PHF14: variants seen among roughly 807,000 people sequenced by gnomAD.
PHF14 encodes the protein PHD finger protein 14.
PHF14 carries 55 observed loss-of-function variants against 117.9 expected under a neutral mutation model. The observed-to-expected ratio is 0.47, with a 90% CI of 0.38 to 0.58. The LOEUF (loss-of-function observed/expected upper bound fraction) is 0.58, where lower values mean the gene tolerates loss of function less well. PHF14 is among the 20% of genes least tolerant of loss of function. The pLI, the probability that PHF14 is intolerant of heterozygous loss-of-function variation, is 0.00. For synonymous variants in PHF14, 409 were observed against 368.6 expected (o/e 1.11, Z -1.26); for missense variants, 978 against 1,122.2 (o/e 0.87, Z 1.84).
chr7:11,082,003 G>T (rs6968626), intron 16 of PHF14, among the ~76,000 whole-genome samples: 3 of 151,978 alleles, frequency 2.0e-5, no homozygotes, highest in Non-Finnish European at 4.4e-5. Flanking sequence ...AATAGTGTAC[G>T]TAGAATTCTA....
At position 11,130,802 on chromosome 7, in the gene PHF14, A is replaced by G. The variant is rs1468790608; in HGVS notation, c.2772+19335A>G. Among the ~76,000 whole-genome samples the G allele has an allele frequency of 1.3e-5, 2 of 151,952 alleles. No individual in the cohort carries two copies. The highest frequency in any genetic ancestry group is 4.8e-5 in the African/African-American group (2 of 41,416). ...TCATACAGAATAGTTCACTGCCCTA[A>G]AGATCTCCTGTGCTCTGCCTATTCA... On this transcript the variant is annotated intron_variant, in intron 17 of 17. Transcript: ENST00000634607. The surrounding 1 kb of genome is among the most constrained non-coding windows in gnomAD (Gnocchi z 4.2).
chr7:11,053,604 AT>A (rs1273956481), intron 14 of PHF14, among the ~76,000 whole-genome samples: 2 of 151,912 alleles, frequency 1.3e-5, no homozygotes, highest in Non-Finnish European at 2.9e-5. Flanking sequence ...ATGAAACATT[AT>A]TTTTCCAGTT....
chr7:11,143,646 T>C (rs1039687613), intron 17 of PHF14, among the ~76,000 whole-genome samples: 6 of 152,146 alleles, frequency 3.9e-5, no homozygotes, highest in African/African-American at 1.4e-4. Context: ...TTGGTGTATG[T>C]TTTTCTAGCT....
chr7:11,066,117 C>A (rs1035174195), intron 16 of PHF14, among the ~76,000 whole-genome samples: 12 of 152,116 alleles, frequency 7.9e-5, no homozygotes, highest in African/African-American at 2.7e-4. Context: ...CATTGTTGTT[C>A]GCACTTTTAT....
chr7:11,095,859 C>G lies in PHF14; in HGVS notation c.2655-15491C>G, dbSNP rs1487088249. ...GATTCTGTAGATTTTTTTTTTTACC[C>G]TACTCTCATCACCATTGAAATTGGA... is the stretch of plus-strand genomic sequence containing the variant. On this transcript the variant is annotated intron_variant, in intron 16 of 17. Transcript: ENST00000634607. 2.0e-5 allele frequency among the ~76,000 whole-genome samples: 3 copies of G among 151,676 alleles called. No homozygotes were observed. In the East Asian group the frequency reaches 5.8e-4, roughly 29 times the overall value.
At chr7:11,061,160 C>G (rs1785209642) in intron 14 of PHF14, 4 of 152,038 alleles carry the variant, frequency 2.6e-5, no homozygotes, top group Admixed American at 2.6e-4. Context: ...AGTTACAGTT[C>G]TTTTAAACGT....
intron 16 of PHF14, chr7:11,106,784 T>C: frequency 1.0e-6 from 1 of 984,546 alleles, no homozygotes; most frequent in Non-Finnish European, 1.2e-6. Context: ...AATGAAAAAG[T>C]TGGAAAATCC....
intron 16 of PHF14, among the ~76,000 whole-genome samples, chr7:11,068,993 A>G (rs1785519598): frequency 6.6e-6 from 1 of 152,156 alleles, no homozygotes; most frequent in South Asian, 2.1e-4. Context: ...TGTATAGGTT[A>G]TCTTTAAAGT....
intron 4 of PHF14, among the ~76,000 whole-genome samples, chr7:11,010,357 A>T (rs111237629): frequency 0.016 from 2,411 of 152,148 alleles, 50 homozygotes; most frequent in African/African-American, 0.056. Flanking sequence ...GAAGATGATG[A>T]TTGCCAACCA....
intron 17 of PHF14, among the ~76,000 whole-genome samples, chr7:11,158,065 T>G (rs112230004): frequency 1.3e-5 from 2 of 152,140 alleles, no homozygotes; most frequent in African/African-American, 4.8e-5. Flanking sequence ...CATAGAACAA[T>G]TCTCAAACCT....
chr7:11,149,807 T>G (rs1788655471), intron 17 of PHF14, among the ~76,000 whole-genome samples: 1 of 131,182 alleles, frequency 7.6e-6, no homozygotes, highest in African/African-American at 2.7e-5. Flanking sequence ...AGTGTTTCAG[T>G]TGATTTTTTT....
intron 4 of PHF14, among the ~76,000 whole-genome samples, chr7:10,995,704 G>T (rs571614022): frequency 9.3e-4 from 142 of 152,350 alleles, no homozygotes; most frequent in African/African-American, 3.3e-3. Flanking sequence ...CCGCAGGGAG[G>T]CAGCTGAGGC....
chr7:11,118,798 A>G (rs1787670458), intron 17 of PHF14, among the ~76,000 whole-genome samples: 1 of 151,814 alleles, frequency 6.6e-6, no homozygotes, highest in Non-Finnish European at 1.5e-5. Flanking sequence ...TTTCATGGGA[A>G]TCAGATAATA....
At chr7:11,166,496 A>T (rs1251913939) in intron 17 of PHF14, among the ~76,000 whole-genome samples, 2 of 152,188 alleles carry the variant, frequency 1.3e-5, no homozygotes, top group African/African-American at 4.8e-5. Flanking sequence ...GATTTTTATT[A>T]ATCTGGAACT....
At chr7:11,080,469 G>A (rs1296038111) in intron 16 of PHF14, among the ~76,000 whole-genome samples, 2 of 152,058 alleles carry the variant, frequency 1.3e-5, no homozygotes, top group Non-Finnish European at 2.9e-5. Flanking sequence ...TATGGCATCA[G>A]TAGTTCCTTT....
Position 11,111,458 on chromosome 7 carries a change from A to G in PHF14, c.2763A>G (p.Ser921=). The G allele has an allele frequency of 6.5e-7, 1 of 1,549,488 alleles. No individual in the cohort carries two copies. ...GGATATGTCAGGAATGTGATTCTTC[A>G]TCTTCCAAGGTAAGGGGAGAAGTCT... The part of the protein sequence containing the change: ...YGWICQECDS[S]SSKEDENEAE... Residue 921 remains serine, a synonymous_variant, in exon 17 of 18, where the codon TCA becomes TCG. Coordinates refer to ENST00000634607, the MANE Select transcript of PHF14 (RefSeq NM_001007157.2).
intron 16 of PHF14, among the ~76,000 whole-genome samples, chr7:11,069,612 T>A (rs973899739): frequency 2.2e-5 from 1 of 46,196 alleles, no homozygotes; most frequent in Non-Finnish European, 4.1e-5. Context: ...CCTCCCTCCC[T>A]CCCTCCCTCC....
intron 16 of PHF14, among the ~76,000 whole-genome samples, chr7:11,100,200 CATA>C (rs1174996491): frequency 1.3e-5 from 2 of 151,888 alleles, no homozygotes; most frequent in Non-Finnish European, 2.9e-5. Context: ...TTGAAATAGA[CATA>C]ATAATGAAAC....
At chr7:11,030,309 C>G (rs1178309843) in intron 7 of PHF14, among the ~76,000 whole-genome samples, 1 of 152,032 alleles carries the variant, frequency 6.6e-6, no homozygotes, top group Non-Finnish European at 1.5e-5. Flanking sequence ...ATCAGGGAAT[C>G]TATAGGATAA....
Sources: allele counts gnomAD v4.1 joint callset (sites outside exome capture counted in the v4.1 genomes callset), GRCh38; gene constraint gnomAD v4.1.1; non-coding constraint Gnocchi (gnomAD v3.1); transcripts MANE v1.5; gene names NCBI Gene and HGNC (gene_info 2026-07-23, HGNC 2026-07-21).